Variants in SLIT3 observed in about 807,000 individuals in gnomAD.
SLIT3 encodes slit guidance ligand 3.
SLIT3 carries 68 observed loss-of-function variants against 184.0 expected under a neutral mutation model. That is an observed-to-expected ratio of 0.37 (90% CI 0.30 to 0.45). The LOEUF (loss-of-function observed/expected upper bound fraction) is 0.45, where lower values mean the gene tolerates loss of function less well. SLIT3 is among the 20% of genes least tolerant of loss of function. SLIT3 has a pLI of 1.00. For missense variants in SLIT3, 1,707 were observed against 2,026.0 expected (o/e 0.84, Z 3.02); for synonymous variants, 831 against 828.6 (o/e 1.00, Z -0.05).
intron 4 of SLIT3, among the ~76,000 whole-genome samples, chr5:169,025,838 G>T (rs1220755806): frequency 6.6e-6 from 1 of 152,052 alleles, no homozygotes; most frequent in Non-Finnish European, 1.5e-5. Context: ...AATAAATAAG[G>T]CTCCCAGGGC....
At chr5:169,191,895 G>T (rs1335435200) in intron 4 of SLIT3, among the ~76,000 whole-genome samples, 1 of 152,152 alleles carries the variant, frequency 6.6e-6, no homozygotes, top group Non-Finnish European at 1.5e-5. Flanking sequence ...ACATAAAGTC[G>T]TCCAGCATTC....
rs147315019 is a variant in SLIT3 at position 168,754,746 on chromosome 5, A to G, written c.1686-739T>C. Among the ~76,000 whole-genome samples the G allele has an allele frequency of 6.5e-4, 99 of 152,332 alleles. 1 individual carries two copies. Among genetic ancestry groups the G allele is most frequent in the Middle Eastern group, 3.4e-3 (1 of 294 alleles). On this transcript the variant is annotated intron_variant, in intron 16 of 35. Coordinates refer to ENST00000519560, the MANE Select transcript of SLIT3 (RefSeq NM_003062.4). ...AATATCACGTGTCCCATAAATATGT[A>G]TAATTGTTATGTATCAATTTAAAAA...
intron 4 of SLIT3, among the ~76,000 whole-genome samples, chr5:169,040,340 T>C (rs1433631038): frequency 1.1e-4 from 17 of 152,246 alleles, no homozygotes; most frequent in Admixed American, 1.1e-3. Flanking sequence ...GGCTAAGTTA[T>C]CTTAACAGTC....
intron 4 of SLIT3, among the ~76,000 whole-genome samples, chr5:169,116,497 T>G (rs1251682822): frequency 6.6e-6 from 1 of 152,182 alleles, no homozygotes; most frequent in East Asian, 1.9e-4. Flanking sequence ...CAGGATGAAT[T>G]TGAGGACAGA....
chr5:168,840,902 T>A (rs17070545), intron 6 of SLIT3, among the ~76,000 whole-genome samples: 3,300 of 152,268 alleles, frequency 0.022, 133 homozygotes, highest in African/African-American at 0.074. Context: ...GGGCGACAAG[T>A]GTATCAGTGA....
chr5:168,787,457 G>A (rs1756197030), intron 11 of SLIT3, among the ~76,000 whole-genome samples: 1 of 152,168 alleles, frequency 6.6e-6, no homozygotes, highest in Admixed American at 6.5e-5. Flanking sequence ...CCCACCCCAG[G>A]TCTTGGCTTG....
chr5:169,091,708 C>G (rs1404041541), intron 4 of SLIT3, among the ~76,000 whole-genome samples: 1 of 152,202 alleles, frequency 6.6e-6, no homozygotes, highest in African/African-American at 2.4e-5. Flanking sequence ...CCTCTGGCTG[C>G]TCCTTGCCTG....
intron 4 of SLIT3, among the ~76,000 whole-genome samples, chr5:168,986,966 T>C (rs1755153007): frequency 6.6e-6 from 1 of 152,220 alleles, no homozygotes; most frequent in Admixed American, 6.5e-5. Context: ...GAGAATCGCT[T>C]GAACCCGGGA....
At chr5:169,054,486 C>T (rs1021797351) in intron 4 of SLIT3, among the ~76,000 whole-genome samples, 10 of 152,262 alleles carry the variant, frequency 6.6e-5, no homozygotes, top group African/African-American at 2.4e-4. Flanking sequence ...GAAACTATTA[C>T]ACCCCTCTTG....
intron 4 of SLIT3, among the ~76,000 whole-genome samples, chr5:169,128,312 A>C (rs999131907): frequency 1.3e-5 from 2 of 149,192 alleles, no homozygotes; most frequent in Non-Finnish European, 3.0e-5. Flanking sequence ...TGCATATATA[A>C]ATTTTTTAAA....
intron 1 of SLIT3, among the ~76,000 whole-genome samples, chr5:169,299,240 A>G (rs1309157606): frequency 6.7e-6 from 1 of 149,798 alleles, no homozygotes; most frequent in Non-Finnish European, 1.5e-5. Flanking sequence ...GTACTGAGCC[A>G]AAGGAAAAAG....
At chr5:169,258,056 AT>A (rs979138640) in intron 1 of SLIT3, among the ~76,000 whole-genome samples, 1 of 152,136 alleles carries the variant, frequency 6.6e-6, no homozygotes, top group Non-Finnish European at 1.5e-5. Flanking sequence ...CTATTACCTC[AT>A]TTTTCACATG....
Position 169,269,895 on chromosome 5 carries a change from G to A in SLIT3, c.198-18436C>T, listed in dbSNP as rs184109015. Among the ~76,000 whole-genome samples, 231 of 152,300 alleles carry A rather than the reference G, an allele frequency of 1.5e-3. 2 individuals carry two copies. Among genetic ancestry groups the A allele is most frequent in the Non-Finnish European group, 9.6e-4 (65 of 68,028 alleles). On this transcript the variant is annotated intron_variant, in intron 1 of 35. Transcript: ENST00000519560. ...TCCAATTTGTTTCCTTTGCAAGGAG[G>A]AAACAATTCTCTTCTCAGTTTGGGA...
intron 23 of SLIT3, among the ~76,000 whole-genome samples, chr5:168,713,587 G>T (rs375467792): frequency 6.6e-6 from 1 of 152,228 alleles, no homozygotes; most frequent in South Asian, 2.1e-4. Flanking sequence ...CAGGCAGTGA[G>T]TCCTAGTAGA....
chr5:169,081,668 C>T (rs1759064984), intron 4 of SLIT3, among the ~76,000 whole-genome samples: 2 of 152,176 alleles, frequency 1.3e-5, no homozygotes, highest in Non-Finnish European at 2.9e-5. Context: ...ACATGGTCCT[C>T]TTAAGCAGAC....
intron 3 of SLIT3, among the ~76,000 whole-genome samples, chr5:169,205,534 G>A (rs1764038342): frequency 2.0e-5 from 3 of 152,180 alleles, no homozygotes; most frequent in Admixed American, 2.0e-4. Context: ...TGCCACTTGA[G>A]CCTGGCAACT....
chr5:168,875,067 AG>A (rs1176604042), intron 5 of SLIT3, among the ~76,000 whole-genome samples: 1 of 144,676 alleles, frequency 6.9e-6, no homozygotes, highest in Non-Finnish European at 1.5e-5. Context: ...AAGGAAGGAA[AG>A]AAGGGAGGAA....
chr5:169,122,475 AG>A (rs1372575072), intron 4 of SLIT3, among the ~76,000 whole-genome samples: 1 of 152,178 alleles, frequency 6.6e-6, no homozygotes, highest in African/African-American at 2.4e-5. Context: ...ACTTGAGGCA[AG>A]AACCCTGGGA....
intron 29 of SLIT3, among the ~76,000 whole-genome samples, chr5:168,689,480 A>C (rs546575156): frequency 1.3e-5 from 2 of 152,258 alleles, no homozygotes; most frequent in African/African-American, 4.8e-5. Flanking sequence ...CCACCCCTTT[A>C]TATGTGTGCA....
Sources: allele counts gnomAD v4.1 joint callset (sites outside exome capture counted in the v4.1 genomes callset), GRCh38; gene constraint gnomAD v4.1.1; transcripts MANE v1.5; gene names NCBI Gene and HGNC (gene_info 2026-07-23, HGNC 2026-07-21).